The following EEFSEC variants were observed in gnomAD, a reference collection of about 807,000 sequenced individuals.
EEFSEC encodes selenocysteine-specific elongation factor.
EEFSEC carries 43 observed loss-of-function variants against 42.1 expected under a neutral mutation model. The observed-to-expected ratio is 1.02, with a 90% CI of 0.80 to 1.32. EEFSEC has a LOEUF of 1.32. Ranked by LOEUF, EEFSEC falls within the 40% of genes most tolerant of loss-of-function variation. The probability of loss-of-function intolerance (pLI) is 0.00; values close to 1 mark genes in which losing one functional copy is unlikely to be tolerated. For missense variants in EEFSEC, 745 were observed against 803.6 expected, an observed-to-expected ratio of 0.93 and a Z score of 0.88; for synonymous variants, 354 against 339.1, an observed-to-expected ratio of 1.04 and a Z score of -0.48.
chr3:128,321,700 T>C (rs369028935), intron 4 of EEFSEC, among the ~76,000 whole-genome samples: 3 of 152,166 alleles, frequency 2.0e-5, no homozygotes, highest in South Asian at 4.1e-4. Flanking sequence ...CCCAGGAGCA[T>C]GTATTCCATT....
chr3:128,308,724 C>T (rs1156984602), intron 4 of EEFSEC, among the ~76,000 whole-genome samples: 1 of 152,222 alleles, frequency 6.6e-6, no homozygotes, highest in Non-Finnish European at 1.5e-5. Context: ...GTTCCTGCCC[C>T]TCCTCACACC....
intron 1 of EEFSEC, among the ~76,000 whole-genome samples, chr3:128,170,422 C>T (rs1404279829): frequency 3.5e-5 from 5 of 143,000 alleles, no homozygotes; most frequent in African/African-American, 5.3e-5. Flanking sequence ...ATTAGCCATG[C>T]GTGTGTAATC....
chr3:128,153,887 C>G, intron 1 of EEFSEC, 64 bp downstream of exon 1: 1 of 1,438,404 alleles, frequency 7.0e-7, no homozygotes, highest in Non-Finnish European at 9.0e-7. Flanking sequence ...GGCCCCGTGT[C>G]CGAATTCGCT....
chr3:128,192,156 T>C (rs1000043836), intron 1 of EEFSEC, among the ~76,000 whole-genome samples: 21 of 152,164 alleles, frequency 1.4e-4, no homozygotes, highest in Non-Finnish European at 2.9e-5. Flanking sequence ...TGGTGCAGTG[T>C]GCAAATGTCT....
intron 1 of EEFSEC, among the ~76,000 whole-genome samples, chr3:128,184,586 C>G (rs894776264): frequency 1.3e-5 from 2 of 152,106 alleles, no homozygotes; most frequent in African/African-American, 4.8e-5. Context: ...AAGTATCTAT[C>G]AGTATATTTA....
chr3:128,311,470 C>G lies in EEFSEC; in HGVS notation c.787-29763C>G, dbSNP rs151038375. Among the ~76,000 whole-genome samples the G allele has an allele frequency of 2.7e-4, 41 of 152,356 alleles. No individual in the cohort carries two copies. The East Asian group carries it at 6.2e-3, about 23-fold the overall frequency. On this transcript the variant is annotated intron_variant, in intron 4 of 6. Transcript: ENST00000254730. Reference sequence around the variant, plus strand: ...AGTGCCAGCTAATGGGGCTAGCCCTCTACGTCCCACTAAAAGCCTGCATGG... The same window carrying G: ...AGTGCCAGCTAATGGGGCTAGCCCTGTACGTCCCACTAAAAGCCTGCATGG...
At chr3:128,235,657 G>A (rs1314905931) in intron 1 of EEFSEC, among the ~76,000 whole-genome samples, 1 of 152,256 alleles carries the variant, frequency 6.6e-6, no homozygotes, top group Non-Finnish European at 1.5e-5. Flanking sequence ...TCTATTCAGT[G>A]AATAGTTACC....
chr3:128,367,043 C>T (rs2067598537), intron 6 of EEFSEC, among the ~76,000 whole-genome samples: 1 of 146,730 alleles, frequency 6.8e-6, no homozygotes, highest in South Asian at 2.1e-4. Context: ...GCTGCCTTCT[C>T]CCTGTGTCCT....
intron 4 of EEFSEC, among the ~76,000 whole-genome samples, chr3:128,319,591 C>T (rs2066985322): frequency 1.3e-5 from 2 of 152,190 alleles, no homozygotes; most frequent in South Asian, 4.1e-4. Context: ...AGTGGATTGC[C>T]CATCGCCTTC....
intron 5 of EEFSEC, among the ~76,000 whole-genome samples, chr3:128,357,956 C>T (rs1460075202): frequency 1.3e-5 from 2 of 152,124 alleles, no homozygotes; most frequent in Non-Finnish European, 2.9e-5. Context: ...GAGGTGCTAT[C>T]TGTGGAAAGT....
chr3:128,368,542 C>T (rs1313467280), intron 6 of EEFSEC, among the ~76,000 whole-genome samples: 1 of 151,958 alleles, frequency 6.6e-6, no homozygotes, highest in Non-Finnish European at 1.5e-5. Context: ...AAACAATAAA[C>T]AACAATGACA....
chr3:128,255,794 G>A (rs1423802646), intron 2 of EEFSEC, among the ~76,000 whole-genome samples: 1 of 152,152 alleles, frequency 6.6e-6, no homozygotes, highest in Non-Finnish European at 1.5e-5. Context: ...AGAAATCTGG[G>A]GCTGTAGGAG....
intron 4 of EEFSEC, among the ~76,000 whole-genome samples, chr3:128,293,156 T>C (rs2066662188): frequency 6.6e-6 from 1 of 152,364 alleles, no homozygotes; most frequent in African/African-American, 2.4e-5. Flanking sequence ...TCATGTTTTC[T>C]GTCCTCTGAA....
intron 6 of EEFSEC, among the ~76,000 whole-genome samples, chr3:128,385,299 T>C (rs369203612): frequency 2.6e-5 from 4 of 152,284 alleles, no homozygotes; most frequent in African/African-American, 9.6e-5. Context: ...GTAGCCCGAC[T>C]GGGGGACTGC....
the EEFSEC span, among the ~76,000 whole-genome samples, chr3:128,413,776 C>T: frequency 2.0e-5 from 3 of 152,306 alleles, no homozygotes; most frequent in Admixed American, 6.5e-5. Flanking sequence ...TCCATAGACT[C>T]GGCCCCGAGC....
chr3:128,179,837 T>C (rs2107788558), intron 1 of EEFSEC, among the ~76,000 whole-genome samples: 1 of 152,286 alleles, frequency 6.6e-6, no homozygotes, highest in East Asian at 1.9e-4. Flanking sequence ...GCAATTAATA[T>C]GCAAGTACAT....
intron 1 of EEFSEC, among the ~76,000 whole-genome samples, chr3:128,219,966 T>C (rs1359197562): frequency 6.6e-6 from 1 of 152,154 alleles, no homozygotes; most frequent in Non-Finnish European, 1.5e-5. Context: ...AAAGAATGAA[T>C]AGCAGTAATA....
At position 128,242,234 on chromosome 3, in the gene EEFSEC, G is replaced by A. The variant is rs187338825; in HGVS notation, c.317-4602G>A. Among the ~76,000 whole-genome samples, 222 of 152,148 alleles carry A rather than the reference G, an allele frequency of 1.5e-3. 2 individuals carry two copies. The Middle Eastern group carries it at 0.017, about 12-fold the overall frequency. On this transcript the variant is annotated intron_variant, in intron 1 of 6. Coordinates refer to ENST00000254730, the MANE Select transcript of EEFSEC (RefSeq NM_021937.5). ...CTTGGGAGGCTAGGACAGGAGGATC[G>A]TTTGAGCCCAGGAATTCAAGGCTGC...
At chr3:128,405,860 C>T (rs1325830259) in intron 6 of EEFSEC, among the ~76,000 whole-genome samples, 1 of 152,222 alleles carries the variant, frequency 6.6e-6, no homozygotes, top group East Asian at 1.9e-4. Flanking sequence ...CTGTACAGGC[C>T]CTTTGTGCAC....
Sources: gnomAD v4.1 joint callset for allele counts (sites outside exome capture counted in the v4.1 genomes callset) on GRCh38, gnomAD v4.1.1 for gene constraint, MANE v1.5 for transcripts, NCBI Gene and HGNC (gene_info 2026-07-23, HGNC 2026-07-21) for gene names.